Variants in VAV2 observed in about 807,000 individuals in gnomAD.
VAV2 encodes guanine nucleotide exchange factor VAV2.
VAV2 carries 67 observed loss-of-function variants against 132.5 expected under a neutral mutation model. The ratio of observed to expected loss-of-function variants is 0.51; its 90% CI spans 0.42 to 0.62. The LOEUF (loss-of-function observed/expected upper bound fraction) is 0.62. VAV2 is among the 20% of genes least tolerant of loss of function. The pLI is 0.00. For missense variants in VAV2, 938 were observed against 1,153.6 expected, an observed-to-expected ratio of 0.81 and a Z score of 2.71; for synonymous variants, 492 against 443.5, an observed-to-expected ratio of 1.11 and a Z score of -1.37.
intron 24 of VAV2, 29 bp from the exon 25 acceptor site, chr9:133,775,080 A>G (rs757254921): frequency 3.8e-6 from 6 of 1,563,594 alleles, no homozygotes. Context: ...AGGAAACGAG[A>G]GCCGCAGTGA....
rs141626340 is a variant in VAV2 at position 133,963,170 on chromosome 9, A to G, written c.205-23951T>C. ...CGGCAGAACTCGGGGTCGAAGCTAC[A>G]AGAGCTTCCCCAGGACCCAGCACCA... On this transcript the variant is annotated intron_variant, in intron 1 of 29. Transcript: ENST00000371850. Among the ~76,000 whole-genome samples the G allele has an allele frequency of 5.6e-3, 858 of 152,318 alleles. 12 individuals are homozygous for G. Among genetic ancestry groups the G allele is most frequent in the African/African-American group, 0.02 (817 of 41,568 alleles).
chr9:133,800,732 C>T lies in VAV2; in HGVS notation c.837-2923G>A, dbSNP rs896174846. Among the ~76,000 whole-genome samples the T allele has an allele frequency of 5.3e-5, 8 of 152,308 alleles. No individual in the cohort carries two copies. The South Asian group carries it at 1.4e-3, about 28-fold the overall frequency. On this transcript the variant is annotated intron_variant, in intron 9 of 29. Coordinates refer to ENST00000371850, the MANE Select transcript of VAV2 (RefSeq NM_001134398.2). ...AATTTCACACCAAGTCACCTTGGCC[C>T]GAGGTTTAGGTGGACGAGGGGCTGG...
chr9:133,932,760 C>T (rs1169226037), intron 2 of VAV2, among the ~76,000 whole-genome samples: 2 of 152,164 alleles, frequency 1.3e-5, no homozygotes, highest in African/African-American at 2.4e-5. Context: ...CTGGCTCCAC[C>T]GAGCCTGGAT....
rs983841572 is a variant in VAV2 at position 133,883,559 on chromosome 9, C to T, written c.322-22127G>A. ...TCCCCAGCCACGGCAGGCAGACAGC[C>T]CAGCAGAGACTCCCAAGTCATCCCC... On this transcript the variant is annotated intron_variant, in intron 2 of 29. Coordinates refer to ENST00000371850, the MANE Select transcript of VAV2 (RefSeq NM_001134398.2). The surrounding 1 kb of genome is among the most constrained non-coding windows in gnomAD (Gnocchi z 4.2). Among the ~76,000 whole-genome samples the T allele has an allele frequency of 6.6e-6, 1 of 152,120 alleles. No individual in the cohort carries two copies. Among genetic ancestry groups the T allele is most frequent in the Non-Finnish European group, 1.5e-5 (1 of 68,020 alleles).
intron 4 of VAV2, among the ~76,000 whole-genome samples, chr9:133,829,104 GCCC>G (rs1836164143): frequency 6.6e-6 from 1 of 152,208 alleles, no homozygotes; most frequent in Non-Finnish European, 1.5e-5. Context: ...CTAGCCCTGG[GCCC>G]CCAAGAGTTG....
intron 1 of VAV2, among the ~76,000 whole-genome samples, chr9:133,981,250 T>C (rs1437719767): frequency 1.3e-5 from 2 of 152,246 alleles, no homozygotes; most frequent in African/African-American, 4.8e-5. Flanking sequence ...CACCTGATTC[T>C]GCTTGCCCCA....
intron 2 of VAV2, among the ~76,000 whole-genome samples, chr9:133,909,499 A>G (rs952264458): frequency 2.0e-5 from 3 of 152,206 alleles, no homozygotes; most frequent in Admixed American, 6.5e-5. Flanking sequence ...GCCCCACCTC[A>G]ATGAGCCACA....
At chr9:133,959,053 CCCA>C (rs1330289672) in intron 1 of VAV2, among the ~76,000 whole-genome samples, 37 of 19,068 alleles carry the variant, frequency 1.9e-3, no homozygotes, top group Admixed American at 0.016. Flanking sequence ...GCCCCAGGGG[CCCA>C]GGCCCAGGCA....
chr9:133,947,969 T>C (rs1031390929), intron 1 of VAV2, among the ~76,000 whole-genome samples: 2 of 152,036 alleles, frequency 1.3e-5, no homozygotes, highest in Non-Finnish European at 2.9e-5. Context: ...TTTTGTATTT[T>C]TAGTAGAGAC....
At chr9:133,810,056 G>A in intron 6 of VAV2, 135 bp downstream of exon 6, 3 of 1,292,260 alleles carry the variant, frequency 2.3e-6, no homozygotes, top group Non-Finnish European at 3.2e-6. Context: ...TCTGATGCCT[G>A]AAGTCATGTG....
chr9:133,855,933 G>A lies in VAV2; in HGVS notation c.380+5441C>T, dbSNP rs538374697. On this transcript the variant is annotated intron_variant, in intron 3 of 29. Coordinates refer to ENST00000371850, the MANE Select transcript of VAV2 (RefSeq NM_001134398.2). ...AGTTCATCACGTGATAAACGGATAC[G>A]CAAAATATGGCCTAGCCACACACTG... is the stretch of plus-strand genomic sequence containing the variant. 1.5e-4 allele frequency among the ~76,000 whole-genome samples: 23 copies of A among 152,344 alleles called. No homozygotes were observed. The East Asian group carries it at 3.7e-3, about 24-fold the overall frequency.
chr9:133,946,056 A>G (rs1841347299), intron 1 of VAV2, among the ~76,000 whole-genome samples: 1 of 152,246 alleles, frequency 6.6e-6, no homozygotes, highest in African/African-American at 2.4e-5. Context: ...CCCCTGAGAC[A>G]TTGGTCACTG....
chr9:133,961,356 G>C lies in VAV2; in HGVS notation c.205-22137C>G, dbSNP rs147819259. 7.7e-3 allele frequency among the ~76,000 whole-genome samples: 1,178 copies of C among 152,330 alleles called. 36 individuals carry two copies. Among genetic ancestry groups the C allele is most frequent in the Admixed American group, 0.06 (920 of 15,308 alleles). The stretch of plus-strand genomic sequence containing the variant: ...TGTGGCCAAGACACCATGGGCAGTG[G>C]AATGAGCAACGTGCAGTTTTGCACC... On this transcript the variant is annotated intron_variant, in intron 1 of 29. Transcript: ENST00000371850. The surrounding 1 kb of genome is among the most constrained non-coding windows in gnomAD (Gnocchi z 4.1).
intron 29 of VAV2, among the ~76,000 whole-genome samples, chr9:133,765,971 A>C (rs568401733): frequency 5.1e-4 from 78 of 152,354 alleles, no homozygotes; most frequent in Non-Finnish European, 1.0e-3. Flanking sequence ...ACATTTTACA[A>C]TGTGAATATT....
At chr9:133,976,862 T>G (rs973600461) in intron 1 of VAV2, among the ~76,000 whole-genome samples, 2 of 152,232 alleles carry the variant, frequency 1.3e-5, no homozygotes, top group Non-Finnish European at 2.9e-5. Context: ...CCACTCCTTT[T>G]ATCCCCATCC....
At chr9:133,799,827 G>A (rs553196816) in intron 9 of VAV2, among the ~76,000 whole-genome samples, 2 of 152,314 alleles carry the variant, frequency 1.3e-5, no homozygotes, top group South Asian at 2.1e-4. Context: ...AGTAGGAGAG[G>A]AGAGAAGGAA....
intron 2 of VAV2, among the ~76,000 whole-genome samples, chr9:133,898,890 C>T (rs1278678787): frequency 1.3e-5 from 2 of 148,720 alleles, no homozygotes; most frequent in Non-Finnish European, 3.0e-5. Context: ...GGCGCAATCT[C>T]GGCTCACTGC....
chr9:133,984,942 A>G (rs990651358), intron 1 of VAV2, among the ~76,000 whole-genome samples: 16 of 151,844 alleles, frequency 1.1e-4, no homozygotes, highest in African/African-American at 3.9e-4. Flanking sequence ...AGTAAAATAT[A>G]TTATTATAAT....
chr9:133,797,860 C>T (rs570263443), intron 9 of VAV2, 51 bp from the exon 10 acceptor site: 126 of 1,573,008 alleles, frequency 8.0e-5, no homozygotes, highest in South Asian at 2.5e-4. Context: ...ATGAGCAGCT[C>T]GGGGCTGCAG....
Sources: gnomAD v4.1 joint callset for allele counts (sites outside exome capture counted in the v4.1 genomes callset) on GRCh38, gnomAD v4.1.1 for gene constraint, Gnocchi (gnomAD v3.1) non-coding constraint, MANE v1.5 for transcripts, NCBI Gene and HGNC (gene_info 2026-07-23, HGNC 2026-07-21) for gene names.